UPRT: variants seen among roughly 807,000 people sequenced by gnomAD.
The protein encoded by UPRT is RP11-311P8.3.
UPRT carries 5 observed loss-of-function variants against 22.6 expected under a neutral mutation model. The observed-to-expected ratio is 0.22, with a 90% CI of 0.12 to 0.47. The LOEUF (loss-of-function observed/expected upper bound fraction) is 0.47, where lower values mean the gene tolerates loss of function less well. Among genes scored for constraint, UPRT ranks in the 20% least tolerant of loss-of-function variants. The pLI, the probability that UPRT is intolerant of heterozygous loss-of-function variation, is 0.99. For missense variants in UPRT, 181 were observed against 239.9 expected (o/e 0.75, Z 1.62); for synonymous variants, 77 against 87.7 (o/e 0.88, Z 0.68).
chrX:75,191,816 G>A (rs1008696541), intron 4 of UPRT, among the ~76,000 whole-genome samples: 12 of 112,241 alleles, frequency 1.1e-4, no homozygotes, highest in East Asian at 2.8e-4. Flanking sequence ...TTGGAAGAGC[G>A]TATTAGGGTG....
chrX:75,225,970 TA>T (rs1172283323), intron 4 of UPRT, among the ~76,000 whole-genome samples: 1 of 111,696 alleles, frequency 9.0e-6, no homozygotes, highest in Non-Finnish European at 1.9e-5. Flanking sequence ...TTAACATGTC[TA>T]AAATTGAACT....
At chrX:75,239,102 T>C (rs1004584299) in intron 4 of UPRT, among the ~76,000 whole-genome samples, 1 of 109,263 alleles carries the variant, frequency 9.2e-6, no homozygotes, top group African/African-American at 3.3e-5. Context: ...AGAAAAGCAG[T>C]AACAAAGATC....
intron 4 of UPRT, among the ~76,000 whole-genome samples, chrX:75,249,392 A>T (rs1348235698): frequency 8.9e-6 from 1 of 111,795 alleles, no homozygotes; most frequent in African/African-American, 3.3e-5. Flanking sequence ...AAACAAAAAA[A>T]AGTCAGTGGT....
chrX:75,190,030 C>G lies in UPRT; in HGVS notation c.-447+22151C>G, dbSNP rs747631551. On this transcript the variant is annotated intron_variant, in intron 4 of 13. Coordinates refer to the UPRT transcript ENST00000652605. ...TTGGATCCTGTCATTGTGATGTTAG[C>G]TAGTTATTTTGCTCATTAGTTGATG... Among the ~76,000 whole-genome samples the G allele has an allele frequency of 1.6e-3, 174 of 111,694 alleles. 1 individual carries two copies. Among genetic ancestry groups the G allele is most frequent in the Non-Finnish European group, 6.4e-4 (34 of 53,157 alleles).
intron 4 of UPRT, among the ~76,000 whole-genome samples, chrX:75,262,515 C>T (rs187795982): frequency 4.1e-4 from 46 of 111,623 alleles, no homozygotes; most frequent in African/African-American, 1.4e-3. Context: ...CAAGACCCAT[C>T]GGTGTGCTGT....
At chrX:75,245,813 G>A (rs189608384) in intron 4 of UPRT, among the ~76,000 whole-genome samples, 1 of 111,445 alleles carries the variant, frequency 9.0e-6, no homozygotes, top group East Asian at 2.8e-4. Context: ...AGGGAGGAGG[G>A]TGAGGATAAA....
At chrX:75,178,036 C>T (rs367569212) in intron 4 of UPRT, among the ~76,000 whole-genome samples, 1 of 112,352 alleles carries the variant, frequency 8.9e-6, no homozygotes, top group Non-Finnish European at 1.9e-5. Flanking sequence ...GAGAGTTCCA[C>T]TCATGGCCGC....
rs1410274763 is a variant in UPRT at position 75,232,682 on chromosome X, A to C, written c.-446-58342A>C. Among the ~76,000 whole-genome samples, 4 of 111,994 alleles carry C rather than the reference A, an allele frequency of 3.6e-5. No homozygotes were observed. In the East Asian group the frequency reaches 1.1e-3, roughly 32 times the overall value. On this transcript the variant is annotated intron_variant, in intron 4 of 13. Transcript: ENST00000652605. ...CACTCGCCAGCAGGGGCAGACTGACACCTCACACGGCCGGGTACTCCAACA... is the reference window on the plus strand; with the variant it reads ...CACTCGCCAGCAGGGGCAGACTGACCCCTCACACGGCCGGGTACTCCAACA...
intron 4 of UPRT, among the ~76,000 whole-genome samples, chrX:75,197,776 A>G (rs1323035077): frequency 8.9e-6 from 1 of 112,330 alleles, no homozygotes; most frequent in Non-Finnish European, 1.9e-5. Flanking sequence ...TGAAAAACAT[A>G]ATGAGATATG....
chrX:75,186,475 G>T (rs2082292243), intron 4 of UPRT, among the ~76,000 whole-genome samples: 1 of 111,548 alleles, frequency 9.0e-6, no homozygotes. Context: ...GTGTGGTGTG[G>T]TGCTGAAAAA....
rs187767144 is a variant in UPRT, at chrX:75,173,583, C to T, written c.-447+5704C>T. ...TGCAGGTGGAGCTGCCTGCCAGTCTCGCACCGTGCGCTCACACTCCTCAGC... is the reference window on the plus strand; with the variant it reads ...TGCAGGTGGAGCTGCCTGCCAGTCTTGCACCGTGCGCTCACACTCCTCAGC... On this transcript the variant is annotated intron_variant, in intron 4 of 13. Coordinates refer to the UPRT transcript ENST00000652605. 3.2e-3 allele frequency among the ~76,000 whole-genome samples: 365 copies of T among 112,744 alleles called. 2 individuals carry two copies. Among genetic ancestry groups the T allele is most frequent in the African/African-American group, 0.011 (350 of 31,067 alleles).
At chrX:75,192,648 G>A (rs1466433206) in intron 4 of UPRT, among the ~76,000 whole-genome samples, 2 of 111,982 alleles carry the variant, frequency 1.8e-5, no homozygotes, top group Admixed American at 9.5e-5. Flanking sequence ...ATACTCCTGT[G>A]TTGGCTGTGT....
At chrX:75,263,643 T>C (rs2147671704) in intron 4 of UPRT, among the ~76,000 whole-genome samples, 1 of 109,719 alleles carries the variant, frequency 9.1e-6, no homozygotes, top group African/African-American at 3.3e-5. Context: ...AGTCTATCAA[T>C]TTTGTTGATC....
intron 4 of UPRT, among the ~76,000 whole-genome samples, chrX:75,252,737 G>A (rs956302628): frequency 2.7e-5 from 3 of 112,169 alleles, no homozygotes; most frequent in South Asian, 3.7e-4. Context: ...AAAGACACAT[G>A]CACACATATG....
intron 4 of UPRT, among the ~76,000 whole-genome samples, chrX:75,218,852 C>T (rs766277451): frequency 1.8e-5 from 2 of 108,460 alleles, no homozygotes; most frequent in South Asian, 8.3e-4. Flanking sequence ...AACACATGGA[C>T]ACAGGAAGGG....
chrX:75,253,593 C>T (rs985358128), intron 4 of UPRT, among the ~76,000 whole-genome samples: 5 of 111,568 alleles, frequency 4.5e-5, no homozygotes, highest in African/African-American at 6.5e-5. Context: ...GTGCTGACTC[C>T]GATGGACAGA....
At position 75,239,750 on chromosome X, in the gene UPRT, C is replaced by G. The variant is rs745712095; in HGVS notation, c.-446-51274C>G. 2.7e-5 allele frequency among the ~76,000 whole-genome samples: 3 copies of G among 111,493 alleles called. No individual in the cohort carries two copies. In the East Asian group the frequency reaches 8.5e-4, roughly 32 times the overall value. ...ACACGATACCACAAAGATAATACATCATGATTAAGTGGGTTTCATACCAGG... is the reference window on the plus strand; with the variant it reads ...ACACGATACCACAAAGATAATACATGATGATTAAGTGGGTTTCATACCAGG... On this transcript the variant is annotated intron_variant, in intron 4 of 13. Transcript: ENST00000652605.
At chrX:75,197,150 A>G (rs2082335005) in intron 4 of UPRT, among the ~76,000 whole-genome samples, 1 of 111,509 alleles carries the variant, frequency 9.0e-6, no homozygotes, top group South Asian at 3.8e-4. Context: ...AGAAAAAATA[A>G]TCCTCCTTAA....
At chrX:75,271,184 A>C (rs1411601362), upstream of UPRT, among the ~76,000 whole-genome samples, 1 of 112,096 alleles carries the variant, frequency 8.9e-6, no homozygotes, top group African/African-American at 3.2e-5. Context: ...TTCATATTGA[A>C]GCAAAATAGC....
Sources: gnomAD v4.1 joint callset for allele counts (sites outside exome capture counted in the v4.1 genomes callset) on GRCh38, gnomAD v4.1.1 for gene constraint, MANE v1.5 for transcripts, NCBI Gene and HGNC (gene_info 2026-07-23, HGNC 2026-07-21) for gene names.